The following NFKB1 variants were observed in gnomAD, a reference collection of about 807,000 sequenced individuals.
NFKB1 encodes nuclear factor NF-kappa-B p105 subunit.
Under a neutral mutation model 105.1 loss-of-function variants are expected in NFKB1, and 9 were observed. The ratio of observed to expected loss-of-function variants is 0.09; its 90% CI spans 0.05 to 0.15. The LOEUF (loss-of-function observed/expected upper bound fraction) is 0.15. Among genes scored for constraint, NFKB1 ranks in the 10% least tolerant of loss-of-function variants. The pLI, the probability that NFKB1 is intolerant of heterozygous loss-of-function variation, is 1.00. For synonymous variants in NFKB1, 440 were observed against 442.2 expected (o/e 1.00, Z 0.06); for missense variants, 830 against 1,203.7 (o/e 0.69, Z 4.59).
chr4:102,530,056 A>G (rs1482891438), intron 3 of NFKB1, 142 bp downstream of exon 3: 1 of 627,712 alleles, frequency 1.6e-6, no homozygotes, highest in African/African-American at 1.9e-5. Flanking sequence ...ATCTTTTAAC[A>G]TACTTTCTTG....
At chr4:102,590,169 T>C (rs1009779906) in intron 11 of NFKB1, among the ~76,000 whole-genome samples, 2 of 152,328 alleles carry the variant, frequency 1.3e-5, no homozygotes, top group African/African-American at 2.4e-5. Context: ...CCATCACTTA[T>C]GTCCGCATTG....
intron 11 of NFKB1, among the ~76,000 whole-genome samples, chr4:102,591,124 C>T (rs1386862092): frequency 6.6e-6 from 1 of 152,146 alleles, no homozygotes. Flanking sequence ...CAAATGCTAA[C>T]AGAGAAGCTG....
At chr4:102,537,732 CA>C in intron 4 of NFKB1, 125 bp from the exon 5 acceptor site, 1 of 89,360 alleles carries the variant, frequency 1.1e-5, no homozygotes, top group Middle Eastern at 3.0e-3. Flanking sequence ...AGCCCTCTTT[CA>C]CAGTTTCATG....
chr4:102,540,835 G>C (rs1223562883), intron 5 of NFKB1, among the ~76,000 whole-genome samples: 1 of 151,790 alleles, frequency 6.6e-6, no homozygotes, highest in African/African-American at 2.4e-5. Context: ...AGTTATTTCT[G>C]CTCAGGATGA....
At chr4:102,515,357 G>A (rs1456173885) in intron 1 of NFKB1, among the ~76,000 whole-genome samples, 13 of 151,688 alleles carry the variant, frequency 8.6e-5, no homozygotes, top group Admixed American at 2.0e-4. Flanking sequence ...TGATCCGCCC[G>A]CCTCGGCCTC....
chr4:102,536,686 A>G (rs971997674), intron 4 of NFKB1, among the ~76,000 whole-genome samples: 1 of 152,148 alleles, frequency 6.6e-6, no homozygotes, highest in Non-Finnish European at 1.5e-5. Context: ...TTTAATGAGT[A>G]AGGGAGTGAA....
At position 102,607,227 on chromosome 4, in the gene NFKB1, G is replaced by A. The variant is rs766900573; in HGVS notation, c.2032G>A (p.Val678Ile). The change falls in exon 18 of 24, where the codon GTC becomes ATC. Residue 678 changes from valine to isoleucine, a missense_variant. Physicochemically the swap from Val to Ile is conservative, Grantham distance 29 (BLOSUM62 3). Around this residue, in one of 8 missense-constraint regions of NFKB1, gnomAD observed 418 missense variants for 575.3 expected, o/e 0.73. Transcript: ENST00000226574. ...GCTGCTGGTGGCCGCTGGGGCTGAC[G>A]TCAATGCTCAGGAGCAGAAGTCCGG... ...LLLLVAAGADVNAQEQKSGRT... is the reference protein window; with the variant it reads ...LLLLVAAGADINAQEQKSGRT... 3.0e-5 allele frequency: 49 copies of A among 1,614,082 alleles called. 1 individual carries two copies. In the South Asian group the frequency reaches 3.2e-4, roughly 10 times the overall value.
intron 3 of NFKB1, 28 bp downstream of exon 3, chr4:102,529,942 T>C: frequency 6.6e-7 from 1 of 1,515,702 alleles, no homozygotes; most frequent in Non-Finnish European, 9.1e-7. Flanking sequence ...TGTTACCCTG[T>C]TGTTCTGCTT....
intron 13 of NFKB1, among the ~76,000 whole-genome samples, 168 bp from the exon 14 acceptor site, chr4:102,595,970 A>T (rs1227502900): frequency 6.6e-6 from 1 of 152,234 alleles, no homozygotes; most frequent in African/African-American, 2.4e-5. Context: ...TATCTCCAAA[A>T]CATGGTATTT....
Position 102,559,050 on chromosome 4 carries a change from C to A in NFKB1, c.259-7937C>A, listed in dbSNP as rs144138414. On this transcript the variant is annotated intron_variant, in intron 5 of 23. Coordinates refer to ENST00000226574, the MANE Select transcript of NFKB1 (RefSeq NM_003998.4). ...AGAAATATACAGGTATACAGATGTC[C>A]CTGGAAAGAGTGTTCTAGGCAGAAG... Among the ~76,000 whole-genome samples, 12 of 151,956 alleles carry A rather than the reference C, an allele frequency of 7.9e-5. No individual in the cohort carries two copies. The East Asian group carries it at 2.3e-3, about 29-fold the overall frequency.
At position 102,513,775 on chromosome 4, in the gene NFKB1, A is replaced by G. The variant is rs186923427; in HGVS notation, c.-7-11737A>G. On this transcript the variant is annotated intron_variant, in intron 1 of 23. Coordinates refer to ENST00000226574, the MANE Select transcript of NFKB1 (RefSeq NM_003998.4). ...TCTGATTTAATTCCACTGTATTTAG[A>G]TAACATATTCCGCATGCTTTCAATT... Among the ~76,000 whole-genome samples, 1,332 of 152,242 alleles carry G rather than the reference A, an allele frequency of 8.7e-3. 12 individuals are homozygous for G. The highest frequency in any genetic ancestry group is 0.03 in the African/African-American group (1,234 of 41,526).
chr4:102,572,711 A>G (rs1724484311), intron 6 of NFKB1, among the ~76,000 whole-genome samples: 1 of 152,180 alleles, frequency 6.6e-6, no homozygotes. Flanking sequence ...AGCTTTTTCC[A>G]TATGTTTGTT....
At chr4:102,520,091 T>A (rs1740467102) in intron 1 of NFKB1, among the ~76,000 whole-genome samples, 1 of 152,170 alleles carries the variant, frequency 6.6e-6, no homozygotes, top group African/African-American at 2.4e-5. Flanking sequence ...ATACACTAGA[T>A]GCCAGTAGGA....
At position 102,578,841 on chromosome 4, in the gene NFKB1, A is replaced by G. The variant is rs530890758; in HGVS notation, c.572-40A>G. On this transcript the variant is annotated intron_variant, in intron 7 of 23. Transcript: ENST00000226574. Reference sequence around the variant, plus strand: ...AAAGCATGGTCTTTTAAATGTTCACACTTCCCTGGGCATGAATGGACTGTG... The same window carrying G: ...AAAGCATGGTCTTTTAAATGTTCACGCTTCCCTGGGCATGAATGGACTGTG... The G allele has an allele frequency of 2.5e-6, 4 of 1,582,348 alleles. No homozygotes were observed. The East Asian group carries it at 9.0e-5, about 36-fold the overall frequency.
At chr4:102,576,796 C>T (rs1027595709) in intron 6 of NFKB1, 80 bp from the exon 7 acceptor site, 15 of 1,416,702 alleles carry the variant, frequency 1.1e-5, no homozygotes, top group South Asian at 1.4e-5. Context: ...TTTTAATTTA[C>T]AAGTGAAGCC....
chr4:102,596,643 T>C (rs1443125060), intron 14 of NFKB1, among the ~76,000 whole-genome samples: 1 of 152,192 alleles, frequency 6.6e-6, no homozygotes, highest in African/African-American at 2.4e-5. Flanking sequence ...TAGAGAAGTA[T>C]TTCCACAAGC....
intron 1 of NFKB1, among the ~76,000 whole-genome samples, chr4:102,514,281 C>T (rs1378566683): frequency 1.3e-5 from 2 of 152,112 alleles, no homozygotes; most frequent in Non-Finnish European, 1.5e-5. Context: ...GTTCCTAAGC[C>T]TTCTATATCT....
intron 1 of NFKB1, among the ~76,000 whole-genome samples, chr4:102,508,039 G>A (rs1739542842): frequency 1.3e-5 from 2 of 152,154 alleles, no homozygotes; most frequent in Admixed American, 6.5e-5. Context: ...AAGAATTTTA[G>A]GAATGAGAAA....
chr4:102,600,178 G>C (rs1727017637), intron 15 of NFKB1, among the ~76,000 whole-genome samples: 1 of 152,160 alleles, frequency 6.6e-6, no homozygotes, highest in Admixed American at 6.5e-5. Context: ...TATTCTCTGA[G>C]GATGTCAGGT....
Sources: gnomAD v4.1 joint callset for allele counts (sites outside exome capture counted in the v4.1 genomes callset) on GRCh38, gnomAD v4.1.1 for gene constraint, gnomAD v4.1.1 regional missense constraint, MANE v1.5 for transcripts, NCBI Gene and HGNC (gene_info 2026-07-23, HGNC 2026-07-21) for gene names.